The following THRB variants were observed in gnomAD, a reference collection of about 807,000 sequenced individuals.
The protein encoded by THRB is thyroid hormone receptor beta.
THRB carries 12 observed loss-of-function variants against 47.8 expected under a neutral mutation model. The ratio of observed to expected loss-of-function variants is 0.25; its 90% confidence interval spans 0.16 to 0.41. The LOEUF is 0.41. THRB is among the 10% of genes least tolerant of loss of function. The probability of loss-of-function intolerance (pLI) is 1.00; values close to 1 mark genes in which losing one functional copy is unlikely to be tolerated. For missense variants in THRB, 348 were observed against 589.2 expected (o/e 0.59, Z 4.24); for synonymous variants, 218 against 212.2 (o/e 1.03, Z -0.24).
At chr3:24,149,981 T>A (rs9870108) in intron 6 of THRB, among the ~76,000 whole-genome samples, 10,650 of 152,252 alleles carry the variant, frequency 0.07, 555 homozygotes, top group African/African-American at 0.14. Context: ...ACTGTATCCA[T>A]TTTTTAGTAC....
chr3:24,441,640 C>G (rs944891844), intron 1 of THRB, among the ~76,000 whole-genome samples: 3 of 151,954 alleles, frequency 2.0e-5, no homozygotes, highest in African/African-American at 4.8e-5. Flanking sequence ...TCCATATATA[C>G]AGTTGATTCT....
chr3:24,166,873 C>T (rs536960582), intron 5 of THRB, among the ~76,000 whole-genome samples: 4 of 152,026 alleles, frequency 2.6e-5, no homozygotes, highest in East Asian at 3.9e-4. Context: ...TCAATTGCAA[C>T]GTGGAATTCT....
At chr3:24,309,676 T>C (rs1298073650) in intron 2 of THRB, among the ~76,000 whole-genome samples, 1 of 152,216 alleles carries the variant, frequency 6.6e-6, no homozygotes, top group African/African-American at 2.4e-5. Context: ...ATTATTTAAG[T>C]TGGAGCATCA....
intron 5 of THRB, among the ~76,000 whole-genome samples, chr3:24,156,990 G>C (rs2037959465): frequency 6.6e-6 from 1 of 152,114 alleles, no homozygotes; most frequent in African/African-American, 2.4e-5. Context: ...CTTTAACCCT[G>C]TGATAGACAC....
chr3:24,139,385 C>T (rs1370806173), intron 8 of THRB, among the ~76,000 whole-genome samples: 3 of 142,598 alleles, frequency 2.1e-5, no homozygotes, highest in South Asian at 2.2e-4. Flanking sequence ...TTTTTCTTTT[C>T]TTTCTTTTTT....
At chr3:24,252,239 G>C (rs2050739074) in intron 3 of THRB, among the ~76,000 whole-genome samples, 1 of 152,084 alleles carries the variant, frequency 6.6e-6, no homozygotes, top group African/African-American at 2.4e-5. Flanking sequence ...TGAAAGCATA[G>C]TATAATGCCT....
intron 3 of THRB, among the ~76,000 whole-genome samples, chr3:24,286,227 A>G (rs1023723974): frequency 6.6e-6 from 1 of 152,210 alleles, no homozygotes; most frequent in African/African-American, 2.4e-5. Context: ...ATTTTGTTAC[A>G]GCAGCCTGAA....
At chr3:24,341,869 C>T (rs2062678501) in intron 1 of THRB, among the ~76,000 whole-genome samples, 1 of 152,076 alleles carries the variant, frequency 6.6e-6, no homozygotes, top group African/African-American at 2.4e-5. Flanking sequence ...CAGTTGTCTC[C>T]ACCAAGGCCA....
chr3:24,343,521 T>C (rs2062814810), intron 1 of THRB, among the ~76,000 whole-genome samples: 2 of 152,208 alleles, frequency 1.3e-5, no homozygotes, highest in South Asian at 4.1e-4. Context: ...GTTATTCTTT[T>C]TCTTCCTTCT....
chr3:24,174,977 C>G (rs552382446), intron 5 of THRB, among the ~76,000 whole-genome samples: 4 of 152,200 alleles, frequency 2.6e-5, no homozygotes, highest in Non-Finnish European at 5.9e-5. Context: ...TAGCAGCTTA[C>G]GCTGGAGTCT....
intron 1 of THRB, among the ~76,000 whole-genome samples, chr3:24,379,356 T>G (rs939993962): frequency 1.2e-4 from 18 of 152,274 alleles, no homozygotes; most frequent in Non-Finnish European, 2.9e-5. Flanking sequence ...ATTTGTTAGC[T>G]GTTGAGCTCC....
chr3:24,172,513 A>G (rs1429345138), intron 5 of THRB, among the ~76,000 whole-genome samples: 1 of 152,136 alleles, frequency 6.6e-6, no homozygotes, highest in Non-Finnish European at 1.5e-5. Context: ...AAAGCTTTTG[A>G]TAGTTCTAGC....
intron 2 of THRB, among the ~76,000 whole-genome samples, chr3:24,319,202 T>G (rs1034364581): frequency 1.3e-5 from 2 of 152,234 alleles, no homozygotes; most frequent in East Asian, 3.8e-4. Flanking sequence ...TTTGAAAGTT[T>G]TTAATAAAGT....
chr3:24,201,889 T>A (rs944778558), intron 4 of THRB, among the ~76,000 whole-genome samples: 1 of 152,208 alleles, frequency 6.6e-6, no homozygotes, highest in African/African-American at 2.4e-5. Flanking sequence ...TAGCTAACAT[T>A]TTATTTATGC....
At chr3:24,490,271 G>A (rs1697942316) in intron 1 of THRB, among the ~76,000 whole-genome samples, 1 of 152,146 alleles carries the variant, frequency 6.6e-6, no homozygotes, top group Non-Finnish European at 1.5e-5. Context: ...GAGTTAACTT[G>A]CCATCCATTG....
At chr3:24,130,091 A>G (rs952719906) in intron 9 of THRB, among the ~76,000 whole-genome samples, 9 of 152,190 alleles carry the variant, frequency 5.9e-5, no homozygotes, top group Admixed American at 5.9e-4. Flanking sequence ...AAAAGGCTAA[A>G]GGTCATCAGG....
In THRB at chr3:24,120,163, A is replaced by C. The variant is rs1020484910; in HGVS notation, c.*2721T>G. 2 of 152,226 alleles carry C rather than the reference A, an allele frequency of 1.3e-5. No individual in the cohort carries two copies. The highest frequency in any genetic ancestry group is 1.5e-5 in the Non-Finnish European group (1 of 68,046). The allele number at this position is 152,226 out of a possible 1,614,324, so 9.4% of individuals were successfully genotyped here. A position where few individuals can be genotyped will look rare whatever the true frequency, so the allele number is the denominator to read the frequency against. ...AGTACCTCTGTCAGCTTCAGAAGGA[A>C]GGAGTTTAGTTTCAGAGTCATTATC... On this transcript the variant is annotated 3_prime_UTR_variant, in exon 11 of 11. Transcript: ENST00000646209.
chr3:24,131,992 C>T (rs547112835), intron 9 of THRB, among the ~76,000 whole-genome samples: 2 of 152,288 alleles, frequency 1.3e-5, no homozygotes, highest in East Asian at 3.9e-4. Context: ...CTTTCCTGTC[C>T]TTCTGGGTAT....
At chr3:24,376,047 C>A (rs1373178484) in intron 1 of THRB, among the ~76,000 whole-genome samples, 1 of 152,078 alleles carries the variant, frequency 6.6e-6, no homozygotes, top group Non-Finnish European at 1.5e-5. Flanking sequence ...TTTGAGAAAA[C>A]TTTCTGTAAA....
Sources: gnomAD v4.1 joint callset for allele counts (sites outside exome capture counted in the v4.1 genomes callset) on GRCh38, gnomAD v4.1.1 for gene constraint, MANE v1.5 for transcripts, NCBI Gene and HGNC (gene_info 2026-07-23, HGNC 2026-07-21) for gene names.